The following KAZN variants were observed in gnomAD, a reference collection of about 807,000 sequenced individuals.
KAZN encodes kazrin, periplakin interacting protein.
A neutral mutation model predicts 87.4 loss-of-function variants in KAZN; 40 were observed. That is an observed-to-expected ratio of 0.46 (90% CI 0.36 to 0.60). The LOEUF is 0.60. Ranked by LOEUF, KAZN falls within the 20% of genes least tolerant of loss-of-function variation. KAZN has a pLI of 0.00. For missense variants in KAZN, 898 were observed against 1,073.9 expected (o/e 0.84, Z 2.29); for synonymous variants, 466 against 458.3 (o/e 1.02, Z -0.22).
intron 2 of KAZN, among the ~76,000 whole-genome samples, chr1:14,337,429 G>T (rs536528057): frequency 6.6e-6 from 1 of 152,350 alleles, no homozygotes; most frequent in Non-Finnish European, 1.5e-5. Flanking sequence ...AATATGTTTA[G>T]AACCCTGAAT....
chr1:14,898,489 A>C (rs894972913), intron 1 of KAZN, among the ~76,000 whole-genome samples: 7 of 152,220 alleles, frequency 4.6e-5, no homozygotes, highest in African/African-American at 1.4e-4. Flanking sequence ...GGTTGGGGTC[A>C]GGAAGCTGAA....
chr1:14,505,840 G>A (rs112104868), intron 2 of KAZN, among the ~76,000 whole-genome samples: 4,840 of 152,092 alleles, frequency 0.032, 195 homozygotes, highest in East Asian at 0.17. Flanking sequence ...CAGGCGTGGC[G>A]GCATGATCCT....
intron 2 of KAZN, among the ~76,000 whole-genome samples, chr1:15,007,159 G>T (rs1211465907): frequency 6.6e-6 from 1 of 151,854 alleles, no homozygotes; most frequent in Non-Finnish European, 1.5e-5. Context: ...GTACCTTCAA[G>T]GGGCCAAGCC....
At chr1:14,643,162 A>AT (rs966668017) in intron 1 of KAZN, among the ~76,000 whole-genome samples, 3 of 152,116 alleles carry the variant, frequency 2.0e-5, no homozygotes, top group African/African-American at 7.2e-5. Flanking sequence ...AAAGGAATGG[A>AT]TTTTTTTTAA....
intron 1 of KAZN, among the ~76,000 whole-genome samples, chr1:14,171,088 AG>A (rs1240449788): frequency 6.6e-6 from 1 of 152,206 alleles, no homozygotes; most frequent in Non-Finnish European, 1.5e-5. Context: ...AATGTTTTCT[AG>A]ATTCATCCAC....
chr1:14,175,791 A>C (rs766653236), intron 1 of KAZN, among the ~76,000 whole-genome samples: 1 of 152,140 alleles, frequency 6.6e-6, no homozygotes, highest in Admixed American at 6.5e-5. Context: ...TCTCAGAATG[A>C]TTTGGGAAGA....
chr1:14,411,650 A>G (rs895918548), intron 2 of KAZN, among the ~76,000 whole-genome samples: 5 of 152,244 alleles, frequency 3.3e-5, no homozygotes, highest in Non-Finnish European at 5.9e-5. Context: ...AGCTGCTTCT[A>G]AAAGTTACAT....
chr1:14,663,927 C>T (rs970162961), intron 1 of KAZN, among the ~76,000 whole-genome samples: 10 of 152,184 alleles, frequency 6.6e-5, no homozygotes, highest in East Asian at 3.9e-4. Context: ...CCCAAGTGTC[C>T]GTCAACAAAC....
intron 1 of KAZN, among the ~76,000 whole-genome samples, chr1:14,933,405 T>G (rs1660075714): frequency 6.6e-6 from 1 of 152,066 alleles, no homozygotes; most frequent in African/African-American, 2.4e-5. Context: ...GTTCTGCAGT[T>G]TTAACATACA....
intron 2 of KAZN, among the ~76,000 whole-genome samples, chr1:14,552,727 A>T (rs1161908287): frequency 2.6e-5 from 4 of 152,236 alleles, no homozygotes; most frequent in African/African-American, 7.2e-5. Context: ...AATAGTAATC[A>T]TAAAATACAG....
At chr1:14,680,052 G>A (rs1204097306) in intron 1 of KAZN, among the ~76,000 whole-genome samples, 1 of 152,060 alleles carries the variant, frequency 6.6e-6, no homozygotes, top group African/African-American at 2.4e-5. Flanking sequence ...CAGATGCTGG[G>A]CCCCCACTCC....
At chr1:14,870,587 C>A (rs1489675739) in intron 1 of KAZN, among the ~76,000 whole-genome samples, 1 of 152,168 alleles carries the variant, frequency 6.6e-6, no homozygotes, top group Non-Finnish European at 1.5e-5. Context: ...GTGATCTGCC[C>A]ACCTTGGCTT....
intron 2 of KAZN, among the ~76,000 whole-genome samples, chr1:14,998,352 AAGAC>A (rs753116417): frequency 2.6e-5 from 4 of 152,010 alleles, no homozygotes; most frequent in Non-Finnish European, 5.9e-5. Flanking sequence ...TTGCTCTCAG[AAGAC>A]AGCCAGAGAA....
chr1:14,964,639 G>A (rs1572935879), intron 2 of KAZN, among the ~76,000 whole-genome samples: 1 of 152,332 alleles, frequency 6.6e-6, no homozygotes, highest in East Asian at 1.9e-4. Flanking sequence ...ATGAGGAGAG[G>A]GGGAATAAAC....
chr1:13,901,023 T>G (rs560385184), intron 1 of KAZN, among the ~76,000 whole-genome samples: 1 of 147,858 alleles, frequency 6.8e-6, no homozygotes, highest in East Asian at 2.0e-4. Context: ...TTGCTACTTG[T>G]TTTCCTTGGC....
At chr1:14,517,160 C>A (rs1036513170) in intron 2 of KAZN, among the ~76,000 whole-genome samples, 1 of 151,980 alleles carries the variant, frequency 6.6e-6, no homozygotes, top group Admixed American at 6.6e-5. Context: ...CAGAGATGAC[C>A]GTGTGACCCA....
At chr1:14,481,789 A>G (rs372287461) in intron 2 of KAZN, among the ~76,000 whole-genome samples, 1 of 152,158 alleles carries the variant, frequency 6.6e-6, no homozygotes, top group East Asian at 1.9e-4. Flanking sequence ...TAAAAGCGTA[A>G]GAAGAGAGGA....
chr1:14,254,533 A>T (rs1650330804), intron 2 of KAZN, among the ~76,000 whole-genome samples: 1 of 152,166 alleles, frequency 6.6e-6, no homozygotes, highest in Non-Finnish European at 1.5e-5. Flanking sequence ...ACTGATGTAA[A>T]AGTGGCAAAT....
At chr1:14,825,656 T>C (rs1646863322) in intron 1 of KAZN, among the ~76,000 whole-genome samples, 1 of 152,194 alleles carries the variant, frequency 6.6e-6, no homozygotes, top group African/African-American at 2.4e-5. Flanking sequence ...AGGGACCACG[T>C]TGGGATTGGA....
Sources: gnomAD v4.1 joint callset for allele counts (sites outside exome capture counted in the v4.1 genomes callset) on GRCh38, gnomAD v4.1.1 for gene constraint, MANE v1.5 for transcripts, NCBI Gene and HGNC (gene_info 2026-07-23, HGNC 2026-07-21) for gene names.